Variants in TG observed in about 807,000 individuals in gnomAD.
The protein encoded by TG is thyroid hormones.
A neutral mutation model predicts 324.7 loss-of-function variants in TG; 270 were observed. That is an observed-to-expected ratio of 0.83 (90% confidence interval 0.75 to 0.92). TG has a LOEUF of 0.92. Among genes scored for constraint, TG ranks in the 40% least tolerant of loss-of-function variants. TG has a pLI of 0.00. For synonymous variants in TG, 1,401 were observed against 1,327.0 expected (o/e 1.06, Z -1.21); for missense variants, 3,591 against 3,456.4 (o/e 1.04, Z -0.98).
At chr8:133,065,384 G>A (rs1052980012) in intron 41 of TG, among the ~76,000 whole-genome samples, 7 of 152,208 alleles carry the variant, frequency 4.6e-5, no homozygotes, top group Non-Finnish European at 7.3e-5. Flanking sequence ...GCTCTAACTC[G>A]CCACCAGTGC....
intron 41 of TG, among the ~76,000 whole-genome samples, chr8:133,094,337 T>C (rs1021897445): frequency 3.4e-5 from 5 of 148,884 alleles, no homozygotes; most frequent in Non-Finnish European, 7.4e-5. Flanking sequence ...GCCTCCCGGG[T>C]TCACGCCATT....
chr8:133,051,018 C>A, intron 41 of TG: 1 of 675,912 alleles, frequency 1.5e-6, no homozygotes, highest in Non-Finnish European at 2.7e-6. Context: ...GATTTTCCAG[C>A]AGGAAATACC....
chr8:132,870,407 A>T (rs907533912), intron 3 of TG, among the ~76,000 whole-genome samples: 2 of 147,392 alleles, frequency 1.4e-5, no homozygotes, highest in Non-Finnish European at 3.0e-5. Context: ...CTGGCCCCAT[A>T]CTCTCCTGCT....
In TG at chr8:132,871,331, G is replaced by A. The variant is rs370791328; in HGVS notation, c.275-17G>A. ...TTTCCCTGCAGTTCTATCTAACATT[G>A]CTCCTTGTACCCACAGGTCTGTCAT... On this transcript the variant is annotated splice_polypyrimidine_tract_variant and intron_variant, in intron 3 of 47. Transcript: ENST00000220616. 2.7e-5 allele frequency: 44 copies of A among 1,613,806 alleles called. No individual in the cohort carries two copies. The African/African-American group carries it at 4.4e-4, about 16-fold the overall frequency.
intron 33 of TG, chr8:132,972,338 T>C (rs1378792720): frequency 5.4e-6 from 3 of 552,282 alleles, no homozygotes; most frequent in Non-Finnish European, 9.7e-6. Flanking sequence ...AGTGAAGTGA[T>C]ACCAACAGAG....
intron 41 of TG, among the ~76,000 whole-genome samples, chr8:133,056,021 G>A (rs368298470): frequency 1.1e-4 from 17 of 152,106 alleles, no homozygotes; most frequent in Non-Finnish European, 2.4e-4. Context: ...TCCAGAGACC[G>A]CCCAAGAGCA....
intron 32 of TG, 69 bp from the exon 33 acceptor site, chr8:132,971,725 C>G: frequency 9.2e-7 from 1 of 1,091,782 alleles, no homozygotes; most frequent in Non-Finnish European, 1.4e-6. Flanking sequence ...TGACTACCAT[C>G]AGCCCACCCA....
At chr8:133,103,778 C>T (rs946042515) in intron 43 of TG, among the ~76,000 whole-genome samples, 4 of 152,210 alleles carry the variant, frequency 2.6e-5, no homozygotes, top group African/African-American at 9.6e-5. Flanking sequence ...CATGCAGCAT[C>T]TCTCCAACAT....
chr8:133,080,938 A>G (rs1000642053), intron 41 of TG, among the ~76,000 whole-genome samples: 8 of 152,230 alleles, frequency 5.3e-5, no homozygotes, highest in Admixed American at 2.6e-4. Context: ...TCAGAAGGCC[A>G]CTTGGTGTTT....
intron 26 of TG, among the ~76,000 whole-genome samples, chr8:132,948,320 CGAGA>C (rs1016049067): frequency 2.1e-4 from 31 of 150,290 alleles, no homozygotes; most frequent in Non-Finnish European, 4.0e-4. Flanking sequence ...AGAGCGAGAG[CGAGA>C]GAGAGAGAAA....
Position 132,923,436 on chromosome 8 carries a change from T to G in TG, c.4627T>G (p.Cys1543Gly), listed in dbSNP as rs1233519918. 1.9e-6 allele frequency: 3 copies of G among 1,614,112 alleles called. No individual in the cohort carries two copies. Among genetic ancestry groups the G allele is most frequent in the Admixed American group, 3.3e-5 (2 of 60,016 alleles). Residue 1543 changes from cysteine to glycine, a missense_variant, in exon 22 of 48, where the codon TGT becomes GGT. Transcript: ENST00000220616. ...GGACAGGGGCAGTGGGAAGGCCTTC[T>G]GTGTGGACGGCGAGGGGCGGAGGCT... ...QKDRGSGKAF[C>G]VDGEGRRLPW...
At chr8:133,096,564 G>A (rs574906287) in intron 43 of TG, among the ~76,000 whole-genome samples, 191 bp downstream of exon 43, 1 of 152,316 alleles carries the variant, frequency 6.6e-6, no homozygotes, top group Admixed American at 6.5e-5. Context: ...GAGCAACACA[G>A]GCACATCCAC....
chr8:132,922,907 G>A (rs1485853832), intron 21 of TG, among the ~76,000 whole-genome samples: 4 of 152,134 alleles, frequency 2.6e-5, no homozygotes, highest in Admixed American at 1.3e-4. Context: ...GTGAATTTTG[G>A]CAGGTGGCAC....
At chr8:133,047,587 TC>T in intron 41 of TG, 1 of 530,878 alleles carries the variant, frequency 1.9e-6, no homozygotes, top group East Asian at 3.3e-5. Flanking sequence ...CCAGCAGGAG[TC>T]ATCAGGCCTG....
chr8:133,080,496 T>C (rs1845583716), intron 41 of TG, among the ~76,000 whole-genome samples: 1 of 152,134 alleles, frequency 6.6e-6, no homozygotes, highest in South Asian at 2.1e-4. Flanking sequence ...TCCCCGCCAA[T>C]GCTCCCTTCC....
intron 29 of TG, among the ~76,000 whole-genome samples, chr8:132,965,216 G>C (rs1179056368): frequency 2.0e-5 from 3 of 152,188 alleles, no homozygotes; most frequent in Non-Finnish European, 4.4e-5. Flanking sequence ...TGAGGAAACA[G>C]GCTTGGGAAC....
chr8:132,980,596 T>A (rs541650878), intron 34 of TG, among the ~76,000 whole-genome samples: 3 of 152,096 alleles, frequency 2.0e-5, no homozygotes, highest in Admixed American at 2.0e-4. Flanking sequence ...AAGGAGGAGG[T>A]CATGGAGACC....
At chr8:133,034,035 C>A (rs771202958) in intron 41 of TG, among the ~76,000 whole-genome samples, 23 of 152,148 alleles carry the variant, frequency 1.5e-4, no homozygotes, top group Non-Finnish European at 2.6e-4. Context: ...TGTTCTCTAT[C>A]GTTTTTGCAG....
intron 27 of TG, among the ~76,000 whole-genome samples, chr8:132,952,585 A>G (rs528728367): frequency 6.6e-6 from 1 of 152,336 alleles, no homozygotes; most frequent in Non-Finnish European, 1.5e-5. Context: ...GCTATGGTTC[A>G]ACACATGATC....
Sources: allele counts gnomAD v4.1 joint callset (sites outside exome capture counted in the v4.1 genomes callset), GRCh38; gene constraint gnomAD v4.1.1; transcripts MANE v1.5; gene names NCBI Gene and HGNC (gene_info 2026-07-23, HGNC 2026-07-21).